Variants in SMARCA2 observed in about 807,000 individuals in gnomAD.
SMARCA2 encodes the protein SWI/SNF-related matrix-associated actin-dependent regulator of chromatin subfamily A member 2.
A neutral mutation model predicts 199.8 loss-of-function variants in SMARCA2; 61 were observed. That is an observed-to-expected ratio of 0.31 (90% CI 0.25 to 0.38). The LOEUF (loss-of-function observed/expected upper bound fraction) is 0.38. SMARCA2 is among the 10% of genes least tolerant of loss of function. The pLI, the probability that SMARCA2 is intolerant of heterozygous loss-of-function variation, is 1.00. For missense variants in SMARCA2, 1,344 were observed against 2,012.2 expected, an observed-to-expected ratio of 0.67 and a Z score of 6.35; for synonymous variants, 935 against 732.0, an observed-to-expected ratio of 1.28 and a Z score of -4.48.
chr9:2,097,523 T>A, intron 21 of SMARCA2, 52 bp downstream of exon 21: 1 of 1,048,254 alleles, frequency 9.5e-7, no homozygotes, highest in South Asian at 1.5e-5. Flanking sequence ...ATACTAATGC[T>A]AGTTAAAAAA....
At chr9:2,173,929 A>C (rs1826394923) in intron 29 of SMARCA2, among the ~76,000 whole-genome samples, 1 of 152,166 alleles carries the variant, frequency 6.6e-6, no homozygotes, top group Admixed American at 6.5e-5. Flanking sequence ...ATCTGCTCGG[A>C]GATGTGGACT....
At chr9:2,032,845 G>C (rs1112534) in intron 2 of SMARCA2, 107 bp from the exon 3 acceptor site, 2 of 973,936 alleles carry the variant, frequency 2.1e-6, no homozygotes, top group East Asian at 2.5e-5. Context: ...ATGGGTAGTA[G>C]ATGATAGTGC....
At chr9:2,151,951 T>A (rs1825103930) in intron 27 of SMARCA2, among the ~76,000 whole-genome samples, 1 of 152,072 alleles carries the variant, frequency 6.6e-6, no homozygotes, top group Non-Finnish European at 1.5e-5. Flanking sequence ...CAGGCCAAAG[T>A]GTTTAAAAAT....
At chr9:2,165,106 C>T (rs1402782434) in intron 28 of SMARCA2, among the ~76,000 whole-genome samples, 1 of 152,146 alleles carries the variant, frequency 6.6e-6, no homozygotes, top group Non-Finnish European at 1.5e-5. Context: ...CCATTAAAGT[C>T]AGTTATTTAA....
In SMARCA2 at chr9:2,152,492, G is replaced by T. The variant is rs928432411; in HGVS notation, c.3982-9194G>T. Among the ~76,000 whole-genome samples, 3 of 152,074 alleles carry T rather than the reference G, an allele frequency of 2.0e-5. No individual in the cohort carries two copies. The South Asian group carries it at 6.2e-4, about 32-fold the overall frequency. On this transcript the variant is annotated intron_variant, in intron 27 of 33. Coordinates refer to ENST00000349721, the MANE Select transcript of SMARCA2 (RefSeq NM_003070.5). ...GAATTGAACCTGGGAGGCAGAGGCT[G>T]CAGTGAGCTGAGATTGTACCGCTGC...
chr9:2,081,233 G>T (rs771130754), intron 14 of SMARCA2, among the ~76,000 whole-genome samples: 1 of 152,168 alleles, frequency 6.6e-6, no homozygotes, highest in Non-Finnish European at 1.5e-5. Context: ...TTGTACTTCA[G>T]AAATACGTTG....
At chr9:2,015,959 T>C (rs1818337097) in intron 1 of SMARCA2, 1 of 151,518 alleles carries the variant, frequency 6.6e-6, no homozygotes, top group Admixed American at 6.6e-5. Context: ...CCCGGAAGAG[T>C]TGGAAGGGGA....
At chr9:2,139,974 C>T (rs1249737400) in intron 27 of SMARCA2, among the ~76,000 whole-genome samples, 1 of 151,974 alleles carries the variant, frequency 6.6e-6, no homozygotes, top group Admixed American at 6.5e-5. Context: ...TTAGCTTGAC[C>T]TATTCCCAGG....
At chr9:2,101,685 C>A in intron 22 of SMARCA2, 69 bp downstream of exon 22, 1 of 781,452 alleles carries the variant, frequency 1.3e-6, no homozygotes, top group Non-Finnish European at 2.2e-6. Context: ...CTCCTCTCTA[C>A]AGTGTTTCCT....
At position 2,028,993 on chromosome 9, in the gene SMARCA2, T is replaced by C. The variant is rs368879989; in HGVS notation, c.-30T>C. 4.6e-5 allele frequency: 71 copies of C among 1,546,106 alleles called. No homozygotes were observed. In the African/African-American group the frequency reaches 8.0e-4, roughly 17 times the overall value. Reference sequence around the variant, plus strand: ...TTTCTGCTTTTCAACTTAGCATTACTCTACTGACTGGCAGAGACAGGAGAG... The same window carrying C: ...TTTCTGCTTTTCAACTTAGCATTACCCTACTGACTGGCAGAGACAGGAGAG... On this transcript the variant is annotated 5_prime_UTR_variant, in exon 2 of 34. Coordinates refer to ENST00000349721, the MANE Select transcript of SMARCA2 (RefSeq NM_003070.5).
intron 29 of SMARCA2, among the ~76,000 whole-genome samples, chr9:2,178,281 C>T (rs985158589): frequency 7.9e-5 from 12 of 152,262 alleles, no homozygotes; most frequent in African/African-American, 2.6e-4. Flanking sequence ...ACCCCTCCCC[C>T]ACTTACCCCA....
chr9:2,077,547 T>A, intron 13 of SMARCA2, 82 bp from the exon 14 acceptor site: 1 of 1,380,670 alleles, frequency 7.2e-7, no homozygotes, highest in Admixed American at 1.8e-5. Context: ...TATTTTAGGT[T>A]CTCAAATCAT....
intron 4 of SMARCA2, chr9:2,041,399 G>C (rs889427971): frequency 1.0e-5 from 4 of 398,490 alleles, no homozygotes; most frequent in African/African-American, 6.2e-5. Flanking sequence ...CCTGCTTCCT[G>C]ATTCATAGAT....
At chr9:2,148,119 C>T (rs1824862157) in intron 27 of SMARCA2, among the ~76,000 whole-genome samples, 1 of 151,772 alleles carries the variant, frequency 6.6e-6, no homozygotes, top group Admixed American at 6.6e-5. Context: ...TTTAAAGAAA[C>T]TCACCTTTTT....
chr9:2,101,598 C>T lies in SMARCA2; in HGVS notation c.3107C>T (p.Ser1036Leu). 6.4e-7 allele frequency: 1 copy of T among 1,556,474 alleles called. No homozygotes were observed. Among genetic ancestry groups the T allele is most frequent in the East Asian group, 2.3e-5 (1 of 44,034 alleles). Residue 1036 changes from serine to leucine, a missense_variant, in exon 22 of 34, where the codon TCA becomes TTA. Around this residue, in one of 18 missense-constraint regions of SMARCA2, gnomAD observed 98 missense variants for 245.6 expected, o/e 0.40. Coordinates refer to ENST00000349721, the MANE Select transcript of SMARCA2 (RefSeq NM_003070.5). ...TCCTTTGCTGAACACCTAGGCTATT[C>T]AAATGGGGTCATCAATGGGTAAATC... ...EESFAEHLGYSNGVINGAELY... is the reference protein window; with the variant it reads ...EESFAEHLGYLNGVINGAELY...
At chr9:2,075,841 A>G (rs550483958) in intron 12 of SMARCA2, among the ~76,000 whole-genome samples, 1 of 152,152 alleles carries the variant, frequency 6.6e-6, no homozygotes, top group African/African-American at 2.4e-5. Flanking sequence ...GAGTGTTTTT[A>G]TGAGAAGGAG....
intron 31 of SMARCA2, among the ~76,000 whole-genome samples, chr9:2,183,480 T>A (rs1050614532): frequency 6.6e-6 from 1 of 152,362 alleles, no homozygotes; most frequent in South Asian, 2.1e-4. Flanking sequence ...TTTTCCTGTC[T>A]GTATCTCTGG....
chr9:2,031,567 GT>G (rs1387897952), intron 2 of SMARCA2, among the ~76,000 whole-genome samples: 6 of 152,170 alleles, frequency 3.9e-5, no homozygotes, highest in African/African-American at 1.4e-4. Flanking sequence ...CTCCTGGATT[GT>G]TTTTATTAAT....
At chr9:2,181,905 C>T (rs1433947221) in intron 30 of SMARCA2, among the ~76,000 whole-genome samples, 1 of 152,158 alleles carries the variant, frequency 6.6e-6, no homozygotes, top group Non-Finnish European at 1.5e-5. Flanking sequence ...TCCCCCTGCC[C>T]ACATTATTGC....
Sources: allele counts gnomAD v4.1 joint callset (sites outside exome capture counted in the v4.1 genomes callset), GRCh38; gene constraint gnomAD v4.1.1; regional missense constraint gnomAD v4.1.1; transcripts MANE v1.5; gene names NCBI Gene and HGNC (gene_info 2026-07-23, HGNC 2026-07-21).